The following SLC25A48 variants were observed in gnomAD, a reference collection of about 807,000 sequenced individuals.
SLC25A48 encodes the protein CTC-321K16.1.
In SLC25A48, 29 loss-of-function variants were observed where a neutral mutation model predicts 32.2. That is an observed-to-expected ratio of 0.90 (90% CI 0.67 to 1.23). The LOEUF (loss-of-function observed/expected upper bound fraction) is 1.23, where lower values mean the gene tolerates loss of function less well. SLC25A48 is among the 50% of genes most tolerant of loss of function. The pLI is 0.00. For missense variants in SLC25A48, 399 were observed against 422.7 expected, an observed-to-expected ratio of 0.94 and a Z score of 0.49; for synonymous variants, 164 against 172.3, an observed-to-expected ratio of 0.95 and a Z score of 0.38.
chr5:135,826,554 T>C (rs1293883270), intron 4 of SLC25A48: 1 of 152,258 alleles, frequency 6.6e-6, no homozygotes, highest in African/African-American at 2.4e-5. Context: ...AAATAAATCG[T>C]GCACCTTGGC....
chr5:135,650,346 A>G (rs1209185424), intron 3 of SLC25A48: 1 of 449,188 alleles, frequency 2.2e-6, no homozygotes, highest in Non-Finnish European at 4.5e-6. Context: ...AGTCATGAGA[A>G]TGGACGGACA....
intron 3 of SLC25A48, among the ~76,000 whole-genome samples, chr5:135,717,299 A>G (rs1754825304): frequency 6.6e-6 from 1 of 152,022 alleles, no homozygotes; most frequent in Non-Finnish European, 1.5e-5. Context: ...TGCCCTGTCA[A>G]CCCATGAGCA....
chr5:135,786,594 A>G (rs1756854331), intron 3 of SLC25A48, among the ~76,000 whole-genome samples: 1 of 152,042 alleles, frequency 6.6e-6, no homozygotes, highest in African/African-American at 2.4e-5. Context: ...TTCTAATGTC[A>G]CAGTGATTGT....
chr5:135,648,800 AG>A (rs1753032101), intron 3 of SLC25A48: 1 of 152,274 alleles, frequency 6.6e-6, no homozygotes, highest in Non-Finnish European at 1.5e-5. Flanking sequence ...GAATGTAAAC[AG>A]TGCTTAGAAA....
intron 3 of SLC25A48, among the ~76,000 whole-genome samples, chr5:135,701,516 G>A (rs184341657): frequency 2.6e-5 from 4 of 151,948 alleles, no homozygotes; most frequent in African/African-American, 9.7e-5. Flanking sequence ...ACACTGAATT[G>A]CATATTGCAA....
intron 1 of SLC25A48, among the ~76,000 whole-genome samples, chr5:135,580,274 C>T (rs1334408527): frequency 1.3e-5 from 2 of 152,192 alleles, no homozygotes; most frequent in East Asian, 1.9e-4. Flanking sequence ...CACTCTGTTG[C>T]TTTGAGGCCT....
In SLC25A48 at chr5:135,780,196, C is replaced by T. The variant is rs561745653; in HGVS notation, c.-520-32327C>T. 4.5e-4 allele frequency among the ~76,000 whole-genome samples: 34 copies of T among 76,044 alleles called. 6 individuals carry two copies. In the Middle Eastern group the frequency reaches 0.045, roughly 102 times the overall value. The allele number at this position is 76,044 out of a possible 152,430, so 49.9% of individuals were successfully genotyped here. A position where few individuals can be genotyped will look rare whatever the true frequency, so the allele number is the denominator to read the frequency against. Reference sequence around the variant, plus strand: ...TTTTTTTTTTTTTTTGAGACATTCTCCTGCCTCAGCCTCTCAAGTAGCTGG... The same window carrying T: ...TTTTTTTTTTTTTTTGAGACATTCTTCTGCCTCAGCCTCTCAAGTAGCTGG... On this transcript the variant is annotated intron_variant, in intron 3 of 10. Coordinates refer to the SLC25A48 transcript ENST00000646290.
At chr5:135,815,837 A>C (rs921004267) in intron 4 of SLC25A48, among the ~76,000 whole-genome samples, 6 of 152,190 alleles carry the variant, frequency 3.9e-5, no homozygotes, top group Non-Finnish European at 8.8e-5. Context: ...AAACAGACTC[A>C]TATTTTTATT....
At chr5:135,754,565 A>G (rs765412530) in intron 3 of SLC25A48, among the ~76,000 whole-genome samples, 9 of 151,852 alleles carry the variant, frequency 5.9e-5, no homozygotes, top group Non-Finnish European at 8.8e-5. Context: ...ACACACTATG[A>G]TATGAATGAA....
intron 3 of SLC25A48, among the ~76,000 whole-genome samples, chr5:135,694,443 T>TA (rs1754221151): frequency 6.6e-6 from 1 of 152,110 alleles, no homozygotes; most frequent in South Asian, 2.1e-4. Flanking sequence ...TTTAGGGATG[T>TA]AAAATGGCTC....
At chr5:135,786,456 T>C (rs1210070007) in intron 3 of SLC25A48, among the ~76,000 whole-genome samples, 1 of 152,032 alleles carries the variant, frequency 6.6e-6, no homozygotes, top group Non-Finnish European at 1.5e-5. Flanking sequence ...AAGGGGATAT[T>C]ACATGGGTGC....
At chr5:135,731,239 A>G (rs556685518) in intron 3 of SLC25A48, among the ~76,000 whole-genome samples, 1 of 152,168 alleles carries the variant, frequency 6.6e-6, no homozygotes, top group South Asian at 2.1e-4. Context: ...AGCCAGAAGG[A>G]ATTTCACAAG....
At chr5:135,794,789 T>G (rs562073945) in intron 3 of SLC25A48, among the ~76,000 whole-genome samples, 62 of 151,654 alleles carry the variant, frequency 4.1e-4, no homozygotes, top group African/African-American at 1.5e-3. Flanking sequence ...CTCCCAATAT[T>G]GCAGGGGGTA....
chr5:135,851,652 C>T (rs1392829369), intron 3 of SLC25A48, among the ~76,000 whole-genome samples: 3 of 152,136 alleles, frequency 2.0e-5, no homozygotes, highest in African/African-American at 7.2e-5. Flanking sequence ...CTCTGGCAGC[C>T]AGGGTACAGT....
intron 4 of SLC25A48, among the ~76,000 whole-genome samples, chr5:135,859,749 G>A (rs944385850): frequency 2.0e-5 from 3 of 152,180 alleles, no homozygotes; most frequent in Admixed American, 6.5e-5. Flanking sequence ...GAGGCCACAG[G>A]AGCAGGGTTT....
intron 3 of SLC25A48, among the ~76,000 whole-genome samples, chr5:135,705,488 C>T (rs1182082409): frequency 1.3e-5 from 2 of 152,082 alleles, no homozygotes; most frequent in African/African-American, 2.4e-5. Flanking sequence ...GTAAATATTC[C>T]GTAAGTATTA....
At chr5:135,885,984 C>T (rs996500570) in intron 7 of SLC25A48, among the ~76,000 whole-genome samples, 2 of 151,918 alleles carry the variant, frequency 1.3e-5, no homozygotes, top group East Asian at 3.9e-4. Flanking sequence ...CATTGAAAAA[C>T]CCTTGAAGGA....
intron 3 of SLC25A48, among the ~76,000 whole-genome samples, chr5:135,800,442 A>G (rs1251587875): frequency 1.3e-5 from 2 of 151,842 alleles, no homozygotes; most frequent in African/African-American, 4.8e-5. Flanking sequence ...ATCACAGAAA[A>G]TGTCCACACC....
intron 3 of SLC25A48, among the ~76,000 whole-genome samples, chr5:135,640,953 T>C (rs1464613811): frequency 1.3e-5 from 2 of 152,234 alleles, no homozygotes; most frequent in African/African-American, 4.8e-5. Flanking sequence ...AGGATGTCTG[T>C]ACTCATCATT....
Sources: gnomAD v4.1 joint callset for allele counts (sites outside exome capture counted in the v4.1 genomes callset) on GRCh38, gnomAD v4.1.1 for gene constraint, MANE v1.5 for transcripts, NCBI Gene and HGNC (gene_info 2026-07-23, HGNC 2026-07-21) for gene names.